PLEKHM1: variants seen among roughly 807,000 people sequenced by gnomAD.
PLEKHM1 encodes the protein pleckstrin homology and RUN domain containing M1, also known as pleckstrin homology domain-containing family M member 1.
A neutral mutation model predicts 94.3 loss-of-function variants in PLEKHM1; 28 were observed. The observed-to-expected ratio is 0.30, with a 90% CI of 0.22 to 0.41. The LOEUF is 0.41. PLEKHM1 is among the 10% of genes least tolerant of loss of function. PLEKHM1 has a pLI of 1.00. For synonymous variants in PLEKHM1, 424 were observed against 581.2 expected (o/e 0.73, Z 3.89); for missense variants, 907 against 1,358.6 (o/e 0.67, Z 5.22).
intron 8 of PLEKHM1, among the ~76,000 whole-genome samples, chr17:45,446,651 T>C (rs2050616554): frequency 6.6e-6 from 1 of 152,238 alleles, no homozygotes; most frequent in East Asian, 1.9e-4. Flanking sequence ...TTATTTCTGG[T>C]GGCTTTGTTT....
chr17:45,476,958 C>T (rs2051761092), intron 3 of PLEKHM1: 1 of 152,176 alleles, frequency 6.6e-6, no homozygotes, highest in Admixed American at 6.5e-5. Flanking sequence ...AATAGAAAGC[C>T]AGTGTCACCC....
chr17:45,484,798 A>G (rs2052059990), intron 1 of PLEKHM1, among the ~76,000 whole-genome samples: 2 of 152,108 alleles, frequency 1.3e-5, no homozygotes, highest in African/African-American at 4.8e-5. Context: ...GCAGGGGAAC[A>G]TTAAGGCCAG....
chr17:45,456,994 A>T (rs180866391), intron 6 of PLEKHM1, among the ~76,000 whole-genome samples: 1 of 152,102 alleles, frequency 6.6e-6, no homozygotes, highest in East Asian at 1.9e-4. Flanking sequence ...CAGTGTGGCC[A>T]ACATGGCAAA....
At chr17:45,459,201 C>T (rs1280757364) in intron 5 of PLEKHM1, among the ~76,000 whole-genome samples, 2 of 152,146 alleles carry the variant, frequency 1.3e-5, no homozygotes, top group East Asian at 1.9e-4. Flanking sequence ...GTTGGGCAAT[C>T]GTCACCACCA....
Position 45,475,313 on chromosome 17 carries a change from G to A in PLEKHM1, c.710C>T (p.Ser237Leu), listed in dbSNP as rs779360286. 11 of 1,613,818 alleles carry A rather than the reference G, an allele frequency of 6.8e-6. No individual in the cohort carries two copies. The East Asian group carries it at 1.1e-4, about 16-fold the overall frequency. The change falls in exon 4 of 12, where the codon TCG (serine) becomes TTG (leucine). Residue 237 changes from serine to leucine, a missense_variant. Coordinates refer to ENST00000430334, the MANE Select transcript of PLEKHM1 (RefSeq NM_014798.3). Reference protein sequence around the residue: ...SGSEDIEVHHSGHKIRRNQKL... With the variant: ...SGSEDIEVHHLGHKIRRNQKL... ...CTGGTTCCTCCGTATCTTATGGCCC[G>A]AGTGATGGACTTCGATGTCTTCAGA...
rs769919860 is a variant in PLEKHM1 at position 45,458,270 on chromosome 17, G to A, written c.1478C>T (p.Ala493Val). 8.1e-6 allele frequency: 13 copies of A among 1,610,562 alleles called. No homozygotes were observed. Among genetic ancestry groups the A allele is most frequent in the African/African-American group, 2.7e-5 (2 of 74,808 alleles). The change falls in exon 6 of 12, where the codon GCG (alanine) becomes GTG (valine). Residue 493 changes from alanine (A) to valine (V), a missense_variant. This residue lies in a region of PLEKHM1 where 477 missense variants were observed against 601.5 expected (regional missense o/e 0.79). Transcript: ENST00000430334. ...GGAAGGTACACACGCTTGGTCTAAC[G>A]CCCCCAGGGAGCAGTTTTTTCTTGG... ...QEPRKNCSLGALDQACVPSPG... is the reference protein window; with the variant it reads ...QEPRKNCSLGVLDQACVPSPG...
At chr17:45,472,796 G>A (rs2051558863) in intron 4 of PLEKHM1, among the ~76,000 whole-genome samples, 1 of 152,178 alleles carries the variant, frequency 6.6e-6, no homozygotes, top group South Asian at 2.1e-4. Context: ...TCGAAACTAG[G>A]TCGGCTCCAA....
chr17:45,440,865 C>G (rs1303774209), intron 9 of PLEKHM1: 1 of 166,404 alleles, frequency 6.0e-6, no homozygotes, highest in African/African-American at 2.4e-5. Flanking sequence ...CAGCAATGCA[C>G]AGGATATGGC....
At chr17:45,480,265 C>G (rs2051907449) in intron 2 of PLEKHM1, among the ~76,000 whole-genome samples, 1 of 152,124 alleles carries the variant, frequency 6.6e-6, no homozygotes, top group Non-Finnish European at 1.5e-5. Flanking sequence ...AGTGGATCAC[C>G]TGAGGTCAGG....
rs571437246 is a variant in PLEKHM1, at chr17:45,472,597, C to T, written c.923+2503G>A. Among the ~76,000 whole-genome samples the T allele has an allele frequency of 2.6e-5, 4 of 152,268 alleles. No individual in the cohort carries two copies. The East Asian group carries it at 5.8e-4, about 22-fold the overall frequency. The stretch of plus-strand genomic sequence containing the variant: ...ACTGCAGGCCTGTCATGCCATGGTC[C>T]CAGTGGTCACAGGAGGCAGACACTG... On this transcript the variant is annotated intron_variant, in intron 4 of 11. Transcript: ENST00000430334.
chr17:45,452,983 T>C (rs2684494), intron 7 of PLEKHM1: 2 of 432,606 alleles, frequency 4.6e-6, no homozygotes, highest in Non-Finnish European at 8.6e-6. Flanking sequence ...TGTACACTTA[T>C]AAAAGCAGCA....
chr17:45,480,986 T>G (rs1483143921), intron 2 of PLEKHM1, among the ~76,000 whole-genome samples: 1 of 152,374 alleles, frequency 6.6e-6, no homozygotes, highest in African/African-American at 2.4e-5. Context: ...ATCAAGGAAC[T>G]GCCAAACTGT....
chr17:45,450,715 G>A lies in PLEKHM1; in HGVS notation c.2546C>T (p.Ala849Val). Residue 849 changes from alanine to valine, a missense_variant, in exon 8 of 12, where the codon GCC becomes GTC. Coordinates refer to ENST00000430334, the MANE Select transcript of PLEKHM1 (RefSeq NM_014798.3). The part of the protein sequence containing the change: ...GFSFVRPKLC[A>V]FSGLYYCDIC... ...GTCACAGTAATAGAGGCCAGAGAAG[G>A]CACAGAGCTTGGGTCGTACAAAGGA... 1 of 1,598,652 alleles carries A rather than the reference G, an allele frequency of 6.3e-7. No homozygotes were observed. The highest frequency in any genetic ancestry group is 8.5e-7 in the Non-Finnish European group (1 of 1,173,322).
intron 5 of PLEKHM1, chr17:45,460,096 A>G (rs1475802725): frequency 1.3e-5 from 2 of 152,190 alleles, no homozygotes; most frequent in Non-Finnish European, 2.9e-5. Flanking sequence ...AAGAACTTGT[A>G]TGACAGTAGA....
intron 5 of PLEKHM1, among the ~76,000 whole-genome samples, chr17:45,461,636 T>C (rs2051154790): frequency 6.6e-6 from 1 of 152,140 alleles, no homozygotes; most frequent in Non-Finnish European, 1.5e-5. Flanking sequence ...GGTTTCTCAG[T>C]CCTGCTTTTG....
chr17:45,490,656 C>T lies in PLEKHM1; in HGVS notation c.-46G>A, dbSNP rs995173809. The T allele has an allele frequency of 1.8e-4, 83 of 450,192 alleles. No individual in the cohort carries two copies. Among genetic ancestry groups the T allele is most frequent in the Non-Finnish European group, 3.4e-4 (76 of 224,236 alleles). The allele number at this position is 450,192 out of a possible 1,614,324, so 27.9% of individuals were successfully genotyped here. A position where few individuals can be genotyped will look rare whatever the true frequency, so the allele number is the denominator to read the frequency against. On this transcript the variant is annotated 5_prime_UTR_variant, in exon 1 of 12. Transcript: ENST00000430334. ...CATCTTGACCCCCTAACTCACCAAGCGGAGCGAGGAGCGAGGCGAGGGGCG... is the reference window on the plus strand; with the variant it reads ...CATCTTGACCCCCTAACTCACCAAGTGGAGCGAGGAGCGAGGCGAGGGGCG...
chr17:45,436,391 T>C lies in PLEKHM1; in HGVS notation c.*1467A>G, dbSNP rs1431741018. 1 of 454,016 alleles carries C rather than the reference T, an allele frequency of 2.2e-6. No homozygotes were observed. The highest frequency in any genetic ancestry group is 4.4e-6 in the Non-Finnish European group (1 of 226,772). 28.1% of individuals were successfully genotyped at this position (454,016 alleles called of 1,614,324 possible). ...CCTCCACCTGCCTGCCACCGTTGCC[T>C]CTGTTCTGCTGCACAGGCATCCAGC... On this transcript the variant is annotated 3_prime_UTR_variant, in exon 12 of 12. Transcript: ENST00000430334.
At chr17:45,438,803 T>TGCC (rs1343822253) in intron 11 of PLEKHM1, among the ~76,000 whole-genome samples, 1 of 152,044 alleles carries the variant, frequency 6.6e-6, no homozygotes, top group African/African-American at 2.4e-5. Context: ...GTGATCCACC[T>TGCC]GCCTTGGCCT....
chr17:45,446,239 C>G (rs2050602132), intron 8 of PLEKHM1: 1 of 171,696 alleles, frequency 5.8e-6, no homozygotes. Context: ...GTTGAAGGTT[C>G]TACCCTTGGC....
Sources: allele counts gnomAD v4.1 joint callset (sites outside exome capture counted in the v4.1 genomes callset), GRCh38; gene constraint gnomAD v4.1.1; regional missense constraint gnomAD v4.1.1; transcripts MANE v1.5; gene names NCBI Gene and HGNC (gene_info 2026-07-23, HGNC 2026-07-21).